FRK: variants seen among roughly 807,000 people sequenced by gnomAD.
FRK encodes fyn related Src family tyrosine kinase.
A neutral mutation model predicts 56.4 loss-of-function variants in FRK; 51 were observed. The ratio of observed to expected loss-of-function variants is 0.90; its 90% CI spans 0.72 to 1.14. FRK has a LOEUF of 1.14. Ranked by LOEUF, FRK falls within the 50% of genes most tolerant of loss-of-function variation. The probability of loss-of-function intolerance (pLI) is 0.00; values close to 1 mark genes in which losing one functional copy is unlikely to be tolerated. For synonymous variants in FRK, 245 were observed against 217.9 expected (o/e 1.12, Z -1.10); for missense variants, 570 against 601.4 (o/e 0.95, Z 0.55).
intron 1 of FRK, among the ~76,000 whole-genome samples, chr6:116,027,876 G>GT (rs1776153462): frequency 6.6e-6 from 1 of 151,908 alleles, no homozygotes; most frequent in Admixed American, 6.6e-5. Context: ...GGACAGGACA[G>GT]TCAGAGATGC....
intron 1 of FRK, among the ~76,000 whole-genome samples, chr6:116,046,388 C>T (rs1018342353): frequency 2.6e-5 from 4 of 152,180 alleles, no homozygotes; most frequent in Non-Finnish European, 4.4e-5. Flanking sequence ...ACCCAAATGC[C>T]CATCAGTGAT....
intron 1 of FRK, among the ~76,000 whole-genome samples, chr6:116,039,812 C>T (rs1776642315): frequency 6.6e-6 from 1 of 152,018 alleles, no homozygotes; most frequent in Admixed American, 6.5e-5. Flanking sequence ...AAACCATCCT[C>T]TTCCTTCTTA....
At chr6:115,997,105 T>G (rs936910837) in intron 2 of FRK, among the ~76,000 whole-genome samples, 1 of 152,180 alleles carries the variant, frequency 6.6e-6, no homozygotes, top group Non-Finnish European at 1.5e-5. Context: ...GAACACATAA[T>G]TACCCCAGCT....
chr6:116,094,443 G>A, the FRK span, among the ~76,000 whole-genome samples: 7 of 152,222 alleles, frequency 4.6e-5, no homozygotes, highest in East Asian at 1.9e-4. Context: ...ATCCTGGGAC[G>A]GCCTGTAACC....
At position 115,934,879 on chromosome 6, in the gene FRK, A is replaced by T. The variant is rs1427429293; in HGVS notation, c.*7535T>A. Reference sequence around the variant, plus strand: ...TACATGCATTGTTTAAAAAAACAATAACTTTGTTACAAAGTTTAATTCAAA... The same window carrying T: ...TACATGCATTGTTTAAAAAAACAATTACTTTGTTACAAAGTTTAATTCAAA... On this transcript the variant is annotated 3_prime_UTR_variant, in exon 8 of 8. Transcript: ENST00000606080. 1 of 152,216 alleles carries T rather than the reference A, an allele frequency of 6.6e-6. No homozygotes were observed. Among genetic ancestry groups the T allele is most frequent in the African/African-American group, 2.4e-5 (1 of 41,442 alleles). 9.4% of individuals were successfully genotyped at this position (152,216 alleles called of 1,614,324 possible).
intron 1 of FRK, among the ~76,000 whole-genome samples, chr6:116,036,450 T>C (rs1284721750): frequency 6.6e-6 from 1 of 152,148 alleles, no homozygotes; most frequent in Non-Finnish European, 1.5e-5. Flanking sequence ...AATGTTACAT[T>C]GATAACAGAA....
rs1161490296 is a variant in FRK, at chr6:115,933,770, G to T, written c.*8644C>A. The T allele has an allele frequency of 6.6e-6, 1 of 152,110 alleles. No homozygotes were observed. The highest frequency in any genetic ancestry group is 1.5e-5 in the Non-Finnish European group (1 of 68,018). The allele number at this position is 152,110 out of a possible 1,614,324, so 9.4% of individuals were successfully genotyped here. A position where few individuals can be genotyped will look rare whatever the true frequency, so the allele number is the denominator to read the frequency against. On this transcript the variant is annotated 3_prime_UTR_variant, in exon 8 of 8. Transcript: ENST00000606080. ...AAGGAACTATTTTCTTTCCATTTAT[G>T]CTAACTGGTTATTTATAATTTACTC... is the stretch of plus-strand genomic sequence containing the variant.
At chr6:115,983,851 T>C (rs1774296453) in intron 2 of FRK, among the ~76,000 whole-genome samples, 1 of 152,126 alleles carries the variant, frequency 6.6e-6, no homozygotes. Context: ...AAATCTGACC[T>C]TGTTACTGTC....
At chr6:116,063,701 A>C (rs537436517), upstream of FRK, among the ~76,000 whole-genome samples, 4 of 152,222 alleles carry the variant, frequency 2.6e-5, no homozygotes, top group Non-Finnish European at 5.9e-5. Flanking sequence ...CATGTATCAC[A>C]GCATTACTTT....
the FRK span, among the ~76,000 whole-genome samples, chr6:116,094,240 C>A: frequency 6.6e-6 from 1 of 152,232 alleles, no homozygotes; most frequent in Non-Finnish European, 1.5e-5. Context: ...GGACCAGAAT[C>A]CCCCAACAAG....
rs142729336 is a variant in FRK at position 116,020,027 on chromosome 6, AC to A, written c.345-16030del. 4.2e-3 allele frequency among the ~76,000 whole-genome samples: 647 copies of A among 152,304 alleles called. 7 individuals are homozygous for A. Among genetic ancestry groups the A allele is most frequent in the African/African-American group, 0.015 (628 of 41,576 alleles). On this transcript the variant is annotated intron_variant, in intron 1 of 7. Coordinates refer to ENST00000606080, the MANE Select transcript of FRK (RefSeq NM_002031.3). Reference sequence around the variant, plus strand: ...TTGCAATCCTAAATGTGCAGCTATTACCAATAATAAATTATGATCTTAAAGA... The same window carrying A: ...TTGCAATCCTAAATGTGCAGCTATTACAATAATAAATTATGATCTTAAAGA...
chr6:116,082,870 G>C, the FRK span, among the ~76,000 whole-genome samples: 4 of 152,120 alleles, frequency 2.6e-5, no homozygotes, highest in Non-Finnish European at 5.9e-5. Context: ...TATCTTTTAA[G>C]TCATCAGATC....
chr6:116,080,909 C>T, the FRK span, among the ~76,000 whole-genome samples: 1 of 152,134 alleles, frequency 6.6e-6, no homozygotes, highest in Non-Finnish European at 1.5e-5. Flanking sequence ...TCTCATGCTG[C>T]TAATAAAGAC....
chr6:115,998,355 G>A (rs919313524), intron 2 of FRK, among the ~76,000 whole-genome samples: 2 of 152,080 alleles, frequency 1.3e-5, no homozygotes, highest in African/African-American at 4.8e-5. Flanking sequence ...GTAGAACAAG[G>A]TCCAAATTCC....
the FRK span, among the ~76,000 whole-genome samples, chr6:116,073,888 C>A: frequency 6.6e-6 from 1 of 152,152 alleles, no homozygotes; most frequent in African/African-American, 2.4e-5. Flanking sequence ...AGAGCTGACA[C>A]GAGAGTTCCA....
intron 1 of FRK, among the ~76,000 whole-genome samples, chr6:116,004,947 C>T (rs1011054208): frequency 6.6e-6 from 1 of 151,496 alleles, no homozygotes; most frequent in African/African-American, 2.4e-5. Context: ...AAAATGTAAA[C>T]ACTCCAAGAG....
chr6:116,045,145 TG>T (rs144900397), intron 1 of FRK, among the ~76,000 whole-genome samples: 44,269 of 151,968 alleles, frequency 0.29, 6,954 homozygotes, highest in Middle Eastern at 0.44. Context: ...ATCGTGAAAA[TG>T]GCCATACTGC....
intron 4 of FRK, among the ~76,000 whole-genome samples, chr6:115,958,562 AG>A (rs534728240): frequency 1.3e-5 from 2 of 150,912 alleles, no homozygotes; most frequent in Non-Finnish European, 2.9e-5. Flanking sequence ...CAGGAGGTGG[AG>A]GTTACAGTGA....
intron 4 of FRK, among the ~76,000 whole-genome samples, chr6:115,958,671 A>G (rs1379227878): frequency 3.3e-4 from 1 of 3,010 alleles, no homozygotes; most frequent in Non-Finnish European, 6.6e-4. Context: ...AAAGAAAGAA[A>G]GAAAGAAAGA....
Sources: allele counts gnomAD v4.1 joint callset (sites outside exome capture counted in the v4.1 genomes callset), GRCh38; gene constraint gnomAD v4.1.1; transcripts MANE v1.5; gene names NCBI Gene and HGNC (gene_info 2026-07-23, HGNC 2026-07-21).